CELSR1: variants seen among roughly 807,000 people sequenced by gnomAD.
CELSR1 encodes adhesion G protein-coupled receptor C1.
In CELSR1, 110 loss-of-function variants were observed where a neutral mutation model predicts 249.1. The ratio of observed to expected loss-of-function variants is 0.44; its 90% CI spans 0.38 to 0.52. The LOEUF is 0.52. Ranked by LOEUF, CELSR1 falls within the 20% of genes least tolerant of loss-of-function variation. The probability of loss-of-function intolerance (pLI) is 0.00; values close to 1 mark genes in which losing one functional copy is unlikely to be tolerated. For synonymous variants in CELSR1, 2,113 were observed against 1,900.0 expected, an observed-to-expected ratio of 1.11 and a Z score of -2.92; for missense variants, 4,109 against 4,296.4, an observed-to-expected ratio of 0.96 and a Z score of 1.22.
chr22:46,371,918 C>T (rs1289854484), intron 25 of CELSR1, among the ~76,000 whole-genome samples: 1 of 150,372 alleles, frequency 6.7e-6, no homozygotes, highest in Non-Finnish European at 1.5e-5. Flanking sequence ...TCCATCCACC[C>T]ACCCACCCAT....
Position 46,363,591 on chromosome 22 carries a change from T to G in CELSR1, c.9036-344A>C, listed in dbSNP as rs1602015449. On this transcript the variant is annotated intron_variant, in intron 34 of 34. Coordinates refer to ENST00000674500, the MANE Select transcript of CELSR1 (RefSeq NM_001378328.1). This position sits in a 1 kb window ranked among gnomAD's most constrained non-coding sequence, Gnocchi z 4.3. ...GGGAGGGAGGGGCGACAGGGAGAGGTCTGGGGCCAGGACCCCAGCTCCACC... is the reference window on the plus strand; with the variant it reads ...GGGAGGGAGGGGCGACAGGGAGAGGGCTGGGGCCAGGACCCCAGCTCCACC... 1 of 363,616 alleles carries G rather than the reference T, an allele frequency of 2.8e-6. No individual in the cohort carries two copies. Among genetic ancestry groups the G allele is most frequent in the Non-Finnish European group, 5.1e-6 (1 of 197,156 alleles). The allele number at this position is 363,616 out of a possible 1,614,324, so 22.5% of individuals were successfully genotyped here.
rs552229880 is a variant in CELSR1 at position 46,369,595 on chromosome 22, T to C, written c.7872+97A>G. On this transcript the variant is annotated intron_variant, in intron 26 of 34. Transcript: ENST00000674500. The stretch of plus-strand genomic sequence containing the variant: ...GTGGCCCTTCCTGCCCCCCGTCGGC[T>C]GCTCAGAGGAGTTGGTGGCCCCAGC... The C allele has an allele frequency of 1.1e-4, 127 of 1,127,442 alleles. 1 individual carries two copies. The South Asian group carries it at 1.7e-3, about 15-fold the overall frequency. The allele number at this position is 1,127,442 out of a possible 1,614,324, so 69.8% of individuals were successfully genotyped here. A position where few individuals can be genotyped will look rare whatever the true frequency, so the allele number is the denominator to read the frequency against.
chr22:46,529,601 G>A (rs2080772156), intron 1 of CELSR1, among the ~76,000 whole-genome samples: 1 of 151,850 alleles, frequency 6.6e-6, no homozygotes, highest in Admixed American at 6.6e-5. Context: ...TCAGGAGTTC[G>A]AGACCAGCCT....
chr22:46,365,596 C>T lies in CELSR1; in HGVS notation c.8394G>A (p.Lys2798=), dbSNP rs1269667121. The T allele has an allele frequency of 2.5e-6, 4 of 1,590,592 alleles. No homozygotes were observed. Among genetic ancestry groups the T allele is most frequent in the Non-Finnish European group, 3.4e-6 (4 of 1,169,046 alleles). ...PDASLMPRSC[K]DPPGHDSDSD... ...CCAGGGAAGCCATACCAGGGGGATC[C>T]TTGCAGCTCCTGGGCATGAGGGACG... Residue 2798 remains lysine, a synonymous_variant, in exon 31 of 35, where the codon AAG becomes AAA. Transcript: ENST00000674500.
rs531863442 is a variant in CELSR1, at chr22:46,490,881, C to T, written c.3545-26536G>A. On this transcript the variant is annotated intron_variant, in intron 1 of 34. Coordinates refer to ENST00000674500, the MANE Select transcript of CELSR1 (RefSeq NM_001378328.1). This position sits in a 1 kb window ranked among gnomAD's most constrained non-coding sequence, Gnocchi z 5.2. ...AGTCCAAATGGCCAGGTGTCATTTT[C>T]GCTGCTCTACAGACCAGGCCTCAGA... 1.4e-4 allele frequency among the ~76,000 whole-genome samples: 21 copies of T among 152,252 alleles called. No homozygotes were observed. Among genetic ancestry groups the T allele is most frequent in the African/African-American group, 4.3e-4 (18 of 41,536 alleles).
chr22:46,533,176 T>C (rs1465141203), intron 1 of CELSR1, among the ~76,000 whole-genome samples: 1 of 152,232 alleles, frequency 6.6e-6, no homozygotes, highest in Non-Finnish European at 1.5e-5. Flanking sequence ...GGGACCCATC[T>C]GACAATTCCA....
rs991722329 is a variant in CELSR1, at chr22:46,395,204, C to A, written c.5844-942G>T. ...TGGGGGCCCCAGAACCTTCATCCCCCTGCAGCAGTGGTGACTGTGGCGCCG... is the reference window on the plus strand; with the variant it reads ...TGGGGGCCCCAGAACCTTCATCCCCATGCAGCAGTGGTGACTGTGGCGCCG... On this transcript the variant is annotated intron_variant, in intron 13 of 34. Coordinates refer to ENST00000674500, the MANE Select transcript of CELSR1 (RefSeq NM_001378328.1). The surrounding 1 kb of genome is among the most constrained non-coding windows in gnomAD (Gnocchi z 5.5). 3.3e-5 allele frequency among the ~76,000 whole-genome samples: 5 copies of A among 152,280 alleles called. No individual in the cohort carries two copies. Among genetic ancestry groups the A allele is most frequent in the African/African-American group, 1.2e-4 (5 of 41,550 alleles).
At chr22:46,521,434 G>C (rs1222295122) in intron 1 of CELSR1, among the ~76,000 whole-genome samples, 1 of 152,036 alleles carries the variant, frequency 6.6e-6, no homozygotes, top group Non-Finnish European at 1.5e-5. Flanking sequence ...GAACCCGGGA[G>C]GCGGAGCTTG....
chr22:46,444,629 T>C (rs1451824617), intron 2 of CELSR1, among the ~76,000 whole-genome samples: 1 of 152,248 alleles, frequency 6.6e-6, no homozygotes, highest in Non-Finnish European at 1.5e-5. Context: ...TTGTTTGTTT[T>C]CATTTTCAGA....
At chr22:46,377,342 A>C in intron 23 of CELSR1, 81 bp from the exon 24 acceptor site, 1 of 1,417,416 alleles carries the variant, frequency 7.1e-7, no homozygotes, top group South Asian at 1.2e-5. Flanking sequence ...GAGATAAATT[A>C]CACACTTGCT....
rs1299305827 is a variant in CELSR1 at position 46,448,739 on chromosome 22, A to G, written c.4184-9328T>C. ...GAACAGGAACACAGGGCAATTTCAA[A>G]GTCAGGTCATATCACGCAAATGCAC... On this transcript the variant is annotated intron_variant, in intron 2 of 34. Coordinates refer to ENST00000674500, the MANE Select transcript of CELSR1 (RefSeq NM_001378328.1). This position sits in a 1 kb window ranked among gnomAD's most constrained non-coding sequence, Gnocchi z 5.7. Among the ~76,000 whole-genome samples, 2 of 152,180 alleles carry G rather than the reference A, an allele frequency of 1.3e-5. No homozygotes were observed. Among genetic ancestry groups the G allele is most frequent in the Admixed American group, 1.3e-4 (2 of 15,278 alleles).
At chr22:46,443,344 A>T (rs1265685930) in intron 2 of CELSR1, among the ~76,000 whole-genome samples, 1 of 152,174 alleles carries the variant, frequency 6.6e-6, no homozygotes, top group Non-Finnish European at 1.5e-5. Flanking sequence ...GCAGGATCCC[A>T]TCCGCCTGTT....
At position 46,393,364 on chromosome 22, in the gene CELSR1, G is replaced by A. The variant is rs1017332966; in HGVS notation, c.5964+778C>T. Among the ~76,000 whole-genome samples the A allele has an allele frequency of 1.3e-5, 2 of 152,218 alleles. No individual in the cohort carries two copies. Among genetic ancestry groups the A allele is most frequent in the Non-Finnish European group, 1.5e-5 (1 of 68,034 alleles). On this transcript the variant is annotated intron_variant, in intron 14 of 34. Transcript: ENST00000674500. This position sits in a 1 kb window ranked among gnomAD's most constrained non-coding sequence, Gnocchi z 4.1. Reference sequence around the variant, plus strand: ...CATGCAGGTTAGGACTGACCGCCCTGGACAGGCGTGGGGCATAACGCACTT... The same window carrying A: ...CATGCAGGTTAGGACTGACCGCCCTAGACAGGCGTGGGGCATAACGCACTT...
Position 46,502,966 on chromosome 22 carries a change from C to T in CELSR1, c.3544+30661G>A, listed in dbSNP as rs185166271. 2.4e-3 allele frequency among the ~76,000 whole-genome samples: 361 copies of T among 152,278 alleles called. 2 individuals are homozygous for T. Among genetic ancestry groups the T allele is most frequent in the African/African-American group, 7.0e-3 (289 of 41,558 alleles). On this transcript the variant is annotated intron_variant, in intron 1 of 34. Coordinates refer to ENST00000674500, the MANE Select transcript of CELSR1 (RefSeq NM_001378328.1). ...CCCGGGAGCAGGTCCCCGCAGGCCA[C>T]GGCACTCGGAGAGAAGATCAAAGGC... is the stretch of plus-strand genomic sequence containing the variant.
At chr22:46,459,383 C>T (rs1378734577) in intron 2 of CELSR1, among the ~76,000 whole-genome samples, 1 of 152,220 alleles carries the variant, frequency 6.6e-6, no homozygotes, top group Non-Finnish European at 1.5e-5. Context: ...CCCTCCGGGG[C>T]CACTGCATAC....
Position 46,399,900 on chromosome 22 carries a change from G to A in CELSR1, c.5229C>T (p.Ile1743=). ...SGGPTSFRLQ[I]LNNYLQFEVS... is the part of the protein sequence containing the mutation. Reference sequence around the variant, plus strand: ...CCTCAAACTGGAGGTAGTTGTTCAGGATCTGGAGCAGGGAGAGCCACACCG... The same window carrying A: ...CCTCAAACTGGAGGTAGTTGTTCAGAATCTGGAGCAGGGAGAGCCACACCG... The change falls in exon 10 of 35, where the codon ATC becomes ATT. Residue 1743 remains isoleucine, a splice_region_variant and synonymous_variant. Transcript: ENST00000674500. The surrounding 1 kb of genome is among the most constrained non-coding windows in gnomAD (Gnocchi z 5.0). 6.2e-7 allele frequency: 1 copy of A among 1,614,042 alleles called. No homozygotes were observed. Among genetic ancestry groups the A allele is most frequent in the Non-Finnish European group, 8.5e-7 (1 of 1,179,930 alleles).
chr22:46,537,430 C>G lies in CELSR1; in HGVS notation c.-260G>C, dbSNP rs987036772. Among the ~76,000 whole-genome samples the G allele has an allele frequency of 6.8e-5, 10 of 146,828 alleles. No homozygotes were observed. The highest frequency in any genetic ancestry group is 1.5e-4 in the Non-Finnish European group (10 of 66,414). ...GGCTCCTCCGCGCGTCCCGGGAGGGCGCCGCGCATCAACCTGCGGCGGCGG... is the reference window on the plus strand; with the variant it reads ...GGCTCCTCCGCGCGTCCCGGGAGGGGGCCGCGCATCAACCTGCGGCGGCGG... On this transcript the variant is annotated 5_prime_UTR_variant, in exon 1 of 35. Coordinates refer to ENST00000674500, the MANE Select transcript of CELSR1 (RefSeq NM_001378328.1). The surrounding 1 kb of genome is among the most constrained non-coding windows in gnomAD (Gnocchi z 5.8).
At chr22:46,419,513 G>T (rs1212627780) in intron 5 of CELSR1, among the ~76,000 whole-genome samples, 2 of 152,118 alleles carry the variant, frequency 1.3e-5, no homozygotes, top group Non-Finnish European at 2.9e-5. Flanking sequence ...CCCGGGGCCT[G>T]CCTCCTCCAC....
In CELSR1 at chr22:46,437,994, G is replaced by A. The variant is rs146444292; in HGVS notation, c.4406+1195C>T. ...CCTTTGGTGGGTTTCACTTCTGTGC[G>A]GTTCCCTTTGGACCCAGGTGGGGGC... is the stretch of plus-strand genomic sequence containing the variant. On this transcript the variant is annotated intron_variant, in intron 3 of 34. Transcript: ENST00000674500. This position sits in a 1 kb window ranked among gnomAD's most constrained non-coding sequence, Gnocchi z 4.9. Among the ~76,000 whole-genome samples the A allele has an allele frequency of 2.6e-5, 4 of 152,244 alleles. No individual in the cohort carries two copies. The highest frequency in any genetic ancestry group is 2.9e-5 in the Non-Finnish European group (2 of 68,026).
Sources: gnomAD v4.1 joint callset for allele counts (sites outside exome capture counted in the v4.1 genomes callset) on GRCh38, gnomAD v4.1.1 for gene constraint, Gnocchi (gnomAD v3.1) non-coding constraint, MANE v1.5 for transcripts, NCBI Gene and HGNC (gene_info 2026-07-23, HGNC 2026-07-21) for gene names.